USP2: variants seen among roughly 807,000 people sequenced by gnomAD.
The protein encoded by USP2 is ubiquitin carboxyl-terminal hydrolase 2.
A neutral mutation model predicts 72.0 loss-of-function variants in USP2; 33 were observed. The observed-to-expected ratio is 0.46, with a 90% CI of 0.35 to 0.61. The LOEUF is 0.61. Ranked by LOEUF, USP2 falls within the 20% of genes least tolerant of loss-of-function variation. The pLI, the probability that USP2 is intolerant of heterozygous loss-of-function variation, is 0.01. For missense variants in USP2, 691 were observed against 797.8 expected, an observed-to-expected ratio of 0.87 and a Z score of 1.61; for synonymous variants, 296 against 312.5, an observed-to-expected ratio of 0.95 and a Z score of 0.56.
intron 1 of USP2, 123 bp from the exon 2 acceptor site, chr11:119,373,644 G>C: frequency 1.0e-6 from 1 of 980,094 alleles, no homozygotes; most frequent in South Asian, 1.8e-5. Context: ...CAAGAGGCAG[G>C]CTGGCTGCTG....
At chr11:119,380,455 G>T (rs968293347) in intron 1 of USP2, among the ~76,000 whole-genome samples, 1 of 152,134 alleles carries the variant, frequency 6.6e-6, no homozygotes, top group African/African-American at 2.4e-5. Flanking sequence ...CACTCTACCT[G>T]TGGGAGGGCT....
chr11:119,360,300 C>A, intron 2 of USP2, 66 bp from the exon 3 acceptor site: 2 of 1,557,008 alleles, frequency 1.3e-6, no homozygotes, highest in Non-Finnish European at 8.8e-7. Flanking sequence ...TGGGCTCTCT[C>A]GTGCAATTTC....
In USP2 at chr11:119,364,338, C is replaced by G. The variant is rs1433676513; in HGVS notation, c.775-4104G>C. On this transcript the variant is annotated intron_variant, in intron 2 of 12. Coordinates refer to ENST00000260187, the MANE Select transcript of USP2 (RefSeq NM_004205.5). Reference sequence around the variant, plus strand: ...GCGGACCCGAACGAGGCGACAAGGTCGGTCCTCCCCCGCCGGGCCTTCCCC... The same window carrying G: ...GCGGACCCGAACGAGGCGACAAGGTGGGTCCTCCCCCGCCGGGCCTTCCCC... The G allele has an allele frequency of 2.0e-5, 6 of 293,168 alleles. No homozygotes were observed. In the East Asian group the frequency reaches 8.7e-4, roughly 43 times the overall value. The allele number at this position is 293,168 out of a possible 1,614,324, so 18.2% of individuals were successfully genotyped here. A position where few individuals can be genotyped will look rare whatever the true frequency, so the allele number is the denominator to read the frequency against.
chr11:119,359,594 T>C lies in USP2; in HGVS notation c.892A>G (p.Arg298Gly), dbSNP rs1335230320. 1 of 1,613,992 alleles carries C rather than the reference T, an allele frequency of 6.2e-7. No homozygotes were observed. The highest frequency in any genetic ancestry group is 8.5e-7 in the Non-Finnish European group (1 of 1,179,998). Reference protein sequence around the residue: ...TRELRDYCLQRLYMRDLHHGS... With the variant: ...TRELRDYCLQGLYMRDLHHGS... The stretch of plus-strand genomic sequence containing the variant: ...TGGTGCAGGTCCCGCATGTAGAGCC[T>C]CTGGAGGCAGTAATCTCTCAACTCC... Residue 298 changes from arginine to glycine, a missense_variant, in exon 4 of 13, where the codon AGG becomes GGG. By Grantham distance (125) the Arg-to-Gly change is moderately radical. Coordinates refer to ENST00000260187, the MANE Select transcript of USP2 (RefSeq NM_004205.5).
At chr11:119,363,315 G>A (rs181039064) in intron 2 of USP2, among the ~76,000 whole-genome samples, 1 of 152,366 alleles carries the variant, frequency 6.6e-6, no homozygotes, top group East Asian at 1.9e-4. Context: ...TGGAGAGGAC[G>A]GAAAGAAGGG....
At chr11:119,377,894 C>A (rs2135412823) in intron 1 of USP2, among the ~76,000 whole-genome samples, 1 of 152,282 alleles carries the variant, frequency 6.6e-6, no homozygotes, top group Middle Eastern at 3.4e-3. Flanking sequence ...ATCCCAGTAA[C>A]CTTCATGGCT....
intron 1 of USP2, among the ~76,000 whole-genome samples, chr11:119,380,983 G>T (rs148607679): frequency 3.3e-5 from 5 of 152,294 alleles, no homozygotes; most frequent in African/African-American, 1.2e-4. Context: ...AGCACCGCGT[G>T]CCTGCTTCTG....
chr11:119,369,673 G>A (rs2135403112), intron 2 of USP2, among the ~76,000 whole-genome samples: 1 of 152,260 alleles, frequency 6.6e-6, no homozygotes, highest in East Asian at 1.9e-4. Context: ...TGAGCCTCAT[G>A]GCATGCTTGA....
intron 2 of USP2, among the ~76,000 whole-genome samples, chr11:119,371,902 T>C (rs888891317): frequency 6.6e-6 from 1 of 152,148 alleles, no homozygotes; most frequent in African/African-American, 2.4e-5. Flanking sequence ...GATCTAGAGA[T>C]AGGATTTCTT....
rs541375380 is a variant in USP2, at chr11:119,358,271, T to G, written c.1238-19A>C. On this transcript the variant is annotated intron_variant, in intron 7 of 12. Transcript: ENST00000260187. ...AAGAGATCTGGGGAAGAGAAGGCCA[T>G]GAGATGCTGAAATACAGGAAGTAGA... is the stretch of plus-strand genomic sequence containing the variant. The G allele has an allele frequency of 1.9e-6, 3 of 1,607,916 alleles. No homozygotes were observed. The highest frequency in any genetic ancestry group is 2.6e-6 in the Non-Finnish European group (3 of 1,176,388).
At position 119,356,847 on chromosome 11, in the gene USP2, G is replaced by C; in HGVS notation, c.1806C>G (p.Pro602=). 6.4e-7 allele frequency: 1 copy of C among 1,564,428 alleles called. No individual in the cohort carries two copies. The highest frequency in any genetic ancestry group is 8.7e-7 in the Non-Finnish European group (1 of 1,154,644). ...GTGGCTCCTGGCGCTACATTCGGGA[G>C]GGCGGGCTGGCCAGTTCGTAGAAGA... The part of the protein sequence containing the change: ...YLLFYELASP[P]SRM Residue 602 remains proline (P), a synonymous_variant, in exon 13 of 13, where the codon CCC becomes CCG. Transcript: ENST00000260187.
intron 1 of USP2, chr11:119,379,100 C>G: frequency 1.0e-6 from 1 of 985,524 alleles, no homozygotes; most frequent in Non-Finnish European, 1.2e-6. Flanking sequence ...GAGCCTGACT[C>G]TGGGCTGGGT....
chr11:119,358,453 T>C (rs1435732298), intron 7 of USP2, among the ~76,000 whole-genome samples: 1 of 152,134 alleles, frequency 6.6e-6, no homozygotes, highest in Non-Finnish European at 1.5e-5. Context: ...GTAGCTGGGA[T>C]TACAGGTGCC....
intron 2 of USP2, among the ~76,000 whole-genome samples, chr11:119,367,668 C>G (rs569930315): frequency 7.2e-5 from 11 of 152,312 alleles, no homozygotes; most frequent in African/African-American, 2.6e-4. Context: ...GCCAAAAGCT[C>G]TGTGCACCTT....
chr11:119,377,164 G>A (rs1445203629), intron 1 of USP2, among the ~76,000 whole-genome samples: 1 of 152,212 alleles, frequency 6.6e-6, no homozygotes, highest in Non-Finnish European at 1.5e-5. Context: ...TCCTTTAAGC[G>A]GTAGGTGCTG....
chr11:119,359,224 C>T lies in USP2; in HGVS notation c.1061+7G>A, dbSNP rs368380796. ...CACCTGAGAGGACATGTCTGCAAGG[C>T]CCTTACTTATAGCCAACAAAGCGCG... On this transcript the variant is annotated splice_region_variant and intron_variant, in intron 5 of 12. Coordinates refer to ENST00000260187, the MANE Select transcript of USP2 (RefSeq NM_004205.5). The T allele has an allele frequency of 2.1e-5, 34 of 1,613,248 alleles. No homozygotes were observed. The highest frequency in any genetic ancestry group is 6.7e-5 in the African/African-American group (5 of 74,884).
At position 119,357,325 on chromosome 11, in the gene USP2, G is replaced by A. The variant is rs1950682661; in HGVS notation, c.1610-18C>T. The A allele has an allele frequency of 3.0e-5, 48 of 1,612,436 alleles. No homozygotes were observed. The highest frequency in any genetic ancestry group is 1.1e-4 in the East Asian group (5 of 44,778). Reference sequence around the variant, plus strand: ...AGCATGGTCTGAGGAGGAGGCAGCCGTCAAGCCCCCGAGGCCCCCCTGCCC... The same window carrying A: ...AGCATGGTCTGAGGAGGAGGCAGCCATCAAGCCCCCGAGGCCCCCCTGCCC... On this transcript the variant is annotated intron_variant, in intron 11 of 12. Transcript: ENST00000260187.
intron 11 of USP2, 49 bp from the exon 12 acceptor site, chr11:119,357,356 T>TC (rs776689824): frequency 1.2e-6 from 2 of 1,604,844 alleles, no homozygotes; most frequent in South Asian, 2.2e-5. Flanking sequence ...TGCCCCGACT[T>TC]CCCCCCTCCA....
At chr11:119,368,989 T>C (rs1264072663) in intron 2 of USP2, among the ~76,000 whole-genome samples, 1 of 152,208 alleles carries the variant, frequency 6.6e-6, no homozygotes, top group Non-Finnish European at 1.5e-5. Context: ...CGTCCTTCCA[T>C]AGACCCCGGG....
Sources: gnomAD v4.1 joint callset for allele counts (sites outside exome capture counted in the v4.1 genomes callset) on GRCh38, gnomAD v4.1.1 for gene constraint, MANE v1.5 for transcripts, NCBI Gene and HGNC (gene_info 2026-07-23, HGNC 2026-07-21) for gene names.